ROCK2: variants seen among roughly 807,000 people sequenced by gnomAD.
ROCK2 encodes rho-associated protein kinase 2.
ROCK2 carries 61 observed loss-of-function variants against 195.1 expected under a neutral mutation model. The ratio of observed to expected loss-of-function variants is 0.31; its 90% CI spans 0.25 to 0.39. The LOEUF (loss-of-function observed/expected upper bound fraction) is 0.39, where lower values mean the gene tolerates loss of function less well. Among genes scored for constraint, ROCK2 ranks in the 10% least tolerant of loss-of-function variants. The pLI, the probability that ROCK2 is intolerant of heterozygous loss-of-function variation, is 1.00. For missense variants in ROCK2, 1,109 were observed against 1,637.4 expected (o/e 0.68, Z 5.57); for synonymous variants, 504 against 545.5 (o/e 0.92, Z 1.06).
chr2:11,281,623 T>G (rs184251157), intron 3 of ROCK2, among the ~76,000 whole-genome samples: 1 of 152,164 alleles, frequency 6.6e-6, no homozygotes, highest in Non-Finnish European at 1.5e-5. Context: ...GAAATTAAAT[T>G]CCTCTATATG....
intron 4 of ROCK2, among the ~76,000 whole-genome samples, chr2:11,237,769 A>C (rs1665262969): frequency 6.6e-6 from 1 of 152,246 alleles, no homozygotes; most frequent in African/African-American, 2.4e-5. Context: ...TTATTCAAGA[A>C]TATAGTTTGA....
rs1169297044 is a variant in ROCK2 at position 11,263,977 on chromosome 2, G to C, written c.325-14179C>G. 3.7e-5 allele frequency among the ~76,000 whole-genome samples: 4 copies of C among 107,724 alleles called. No homozygotes were observed. The Admixed American group carries it at 4.2e-4, about 11-fold the overall frequency. 70.7% of individuals were successfully genotyped at this position (107,724 alleles called of 152,430 possible). A position where few individuals can be genotyped will look rare whatever the true frequency, so the allele number is the denominator to read the frequency against. On this transcript the variant is annotated intron_variant, in intron 3 of 32. Transcript: ENST00000315872. ...AGGAGGTGGGGAAATAAAGAAAAAA[G>C]ATGAAAAAAAAAAAAACATGTATGC...
intron 1 of ROCK2, among the ~76,000 whole-genome samples, chr2:11,302,085 C>T (rs1175367908): frequency 6.6e-6 from 1 of 152,108 alleles, no homozygotes; most frequent in African/African-American, 2.4e-5. Context: ...GGATTACAGG[C>T]GTGAGCCACC....
At chr2:11,184,214 G>A (rs910480855) in intron 32 of ROCK2, among the ~76,000 whole-genome samples, 5 of 152,154 alleles carry the variant, frequency 3.3e-5, no homozygotes, top group African/African-American at 9.7e-5. Flanking sequence ...CTATTTCACA[G>A]CACTTATTAG....
At chr2:11,326,399 A>G (rs920595963) in intron 1 of ROCK2, among the ~76,000 whole-genome samples, 83 of 152,328 alleles carry the variant, frequency 5.4e-4, no homozygotes, top group Admixed American at 2.7e-3. Context: ...TGGTTTTAGC[A>G]GCAAGAAGTC....
chr2:11,285,467 G>T (rs1272840491), intron 3 of ROCK2, among the ~76,000 whole-genome samples: 2 of 151,916 alleles, frequency 1.3e-5, no homozygotes, highest in African/African-American at 2.4e-5. Flanking sequence ...TTCTTCAGAA[G>T]AATAATATTC....
intron 7 of ROCK2, among the ~76,000 whole-genome samples, chr2:11,223,404 T>C (rs779891284): frequency 2.6e-5 from 4 of 152,168 alleles, no homozygotes; most frequent in Non-Finnish European, 4.4e-5. Flanking sequence ...GTTTAAAATG[T>C]GTATCCCAGA....
chr2:11,261,533 G>A (rs1461991205), intron 3 of ROCK2, among the ~76,000 whole-genome samples: 2 of 152,154 alleles, frequency 1.3e-5, no homozygotes, highest in East Asian at 1.9e-4. Flanking sequence ...TAAAAGCATG[G>A]ATTTGCCGGG....
chr2:11,205,336 T>C (rs1344346326), intron 20 of ROCK2, among the ~76,000 whole-genome samples: 2 of 152,198 alleles, frequency 1.3e-5, no homozygotes, highest in Admixed American at 6.5e-5. Flanking sequence ...ACTTCATGTA[T>C]ACCCCTGGCC....
At chr2:11,205,125 T>C (rs1258841958) in intron 20 of ROCK2, among the ~76,000 whole-genome samples, 1 of 152,176 alleles carries the variant, frequency 6.6e-6, no homozygotes, top group African/African-American at 2.4e-5. Context: ...CCATATTAGC[T>C]GTTCTAATTA....
At chr2:11,211,637 C>A in intron 18 of ROCK2, 44 bp downstream of exon 18, 1 of 1,510,276 alleles carries the variant, frequency 6.6e-7, no homozygotes, top group Non-Finnish European at 8.9e-7. Context: ...AGAATCAATT[C>A]TTAGGAAGAC....
intron 1 of ROCK2, among the ~76,000 whole-genome samples, chr2:11,333,993 C>A (rs1016930877): frequency 1.3e-5 from 2 of 152,190 alleles, no homozygotes; most frequent in Non-Finnish European, 2.9e-5. Flanking sequence ...TGTTTCACAA[C>A]AATCCGGAAA....
At chr2:11,224,180 A>G in intron 7 of ROCK2, 142 bp downstream of exon 7, 2 of 749,804 alleles carry the variant, frequency 2.7e-6, no homozygotes, top group Non-Finnish European at 4.2e-6. Flanking sequence ...GGCTTAGCAG[A>G]AGGAAAAGGC....
intron 27 of ROCK2, among the ~76,000 whole-genome samples, chr2:11,195,460 G>T (rs1225772408): frequency 1.3e-5 from 2 of 152,068 alleles, no homozygotes; most frequent in Non-Finnish European, 2.9e-5. Flanking sequence ...CGTGTTCAGA[G>T]AAAATGGACT....
intron 4 of ROCK2, among the ~76,000 whole-genome samples, chr2:11,239,677 C>T (rs989540901): frequency 6.6e-6 from 1 of 152,154 alleles, no homozygotes; most frequent in Non-Finnish European, 1.5e-5. Context: ...CATCTGTATA[C>T]CGTTTCCACC....
chr2:11,335,721 T>C (rs751125958), intron 1 of ROCK2, among the ~76,000 whole-genome samples: 5 of 152,184 alleles, frequency 3.3e-5, no homozygotes, highest in Non-Finnish European at 7.4e-5. Flanking sequence ...ATTTAATACC[T>C]AGACAAATCT....
At chr2:11,335,387 T>A (rs943165569) in intron 1 of ROCK2, among the ~76,000 whole-genome samples, 8 of 152,178 alleles carry the variant, frequency 5.3e-5, no homozygotes, top group Non-Finnish European at 1.0e-4. Flanking sequence ...AAATGCACCA[T>A]GATTTCACAT....
chr2:11,318,309 C>T (rs1668289897), intron 1 of ROCK2, among the ~76,000 whole-genome samples: 1 of 152,206 alleles, frequency 6.6e-6, no homozygotes, highest in African/African-American at 2.4e-5. Context: ...GCCATTCTAA[C>T]TGGTGTGAGA....
At chr2:11,185,831 C>A (rs570456576) in intron 32 of ROCK2, among the ~76,000 whole-genome samples, 17 of 152,158 alleles carry the variant, frequency 1.1e-4, no homozygotes, top group African/African-American at 3.9e-4. Flanking sequence ...CAACTTGTGC[C>A]AAGGAACTCA....
Sources: allele counts gnomAD v4.1 joint callset (sites outside exome capture counted in the v4.1 genomes callset), GRCh38; gene constraint gnomAD v4.1.1; transcripts MANE v1.5; gene names NCBI Gene and HGNC (gene_info 2026-07-23, HGNC 2026-07-21).